Variants in PLXNA1 observed in about 807,000 individuals in gnomAD.
PLXNA1 encodes the protein plexin-A1.
In PLXNA1, 77 loss-of-function variants were observed where a neutral mutation model predicts 191.7. The observed-to-expected ratio is 0.40, with a 90% CI of 0.33 to 0.49. The LOEUF (loss-of-function observed/expected upper bound fraction) is 0.49, where lower values mean the gene tolerates loss of function less well. Ranked by LOEUF, PLXNA1 falls within the 20% of genes least tolerant of loss-of-function variation. The pLI, the probability that PLXNA1 is intolerant of heterozygous loss-of-function variation, is 0.63. For missense variants in PLXNA1, 2,110 were observed against 2,660.2 expected, an observed-to-expected ratio of 0.79 and a Z score of 4.55; for synonymous variants, 1,137 against 1,156.4, an observed-to-expected ratio of 0.98 and a Z score of 0.34.
At position 127,012,128 on chromosome 3, in the gene PLXNA1, C is replaced by T. The variant is rs2107630618; in HGVS notation, c.2283C>T (p.Asn761=). The part of the protein sequence containing the change: ...SPARVTALRF[N]SSSLQCQNSS... ...CCCGTGTCACCGCCCTGCGCTTCAA[C>T]AGCTCCAGCCTGCAGTGCCAGAATT... The change falls in exon 10 of 32, where the codon AAC becomes AAT. Residue 761 remains asparagine (N), a synonymous_variant. Transcript: ENST00000393409. 6.2e-7 allele frequency: 1 copy of T among 1,612,844 alleles called. No individual in the cohort carries two copies. Among genetic ancestry groups the T allele is most frequent in the Non-Finnish European group, 8.5e-7 (1 of 1,179,928 alleles).
At chr3:127,021,464 T>G (rs2079151899) in intron 21 of PLXNA1, among the ~76,000 whole-genome samples, 1 of 151,846 alleles carries the variant, frequency 6.6e-6, no homozygotes. Context: ...AGAGAGAGAG[T>G]AGGGACCCTG....
At chr3:127,014,952 C>A in intron 14 of PLXNA1, 121 bp downstream of exon 14, 1 of 1,460,616 alleles carries the variant, frequency 6.8e-7, no homozygotes, top group East Asian at 2.4e-5. Context: ...TTTTCCACGG[C>A]CTGGGTGCTG....
chr3:127,001,187 C>G (rs147834465), intron 3 of PLXNA1, among the ~76,000 whole-genome samples: 11 of 152,292 alleles, frequency 7.2e-5, no homozygotes, highest in African/African-American at 2.6e-4. Context: ...CGTTCCTTTC[C>G]TTGGAGCTGG....
intron 10 of PLXNA1, among the ~76,000 whole-genome samples, chr3:127,012,629 A>G (rs948252529): frequency 6.6e-6 from 1 of 151,862 alleles, no homozygotes; most frequent in African/African-American, 2.4e-5. Context: ...TGCAGAAAAC[A>G]CTCCCATTGG....
chr3:126,997,765 C>T (rs1212286585), intron 3 of PLXNA1, among the ~76,000 whole-genome samples: 1 of 152,250 alleles, frequency 6.6e-6, no homozygotes, highest in Admixed American at 6.5e-5. Flanking sequence ...ATAAGCATCG[C>T]TTCTGCTTCC....
intron 3 of PLXNA1, among the ~76,000 whole-genome samples, chr3:127,001,537 A>AGGATGGAG (rs2079040106): frequency 6.6e-6 from 1 of 152,276 alleles, no homozygotes; most frequent in South Asian, 2.1e-4. Flanking sequence ...CAGGACTGTG[A>AGGATGGAG]GGATGGAGGA....
At chr3:126,994,127 T>C (rs2079004116) in intron 3 of PLXNA1, among the ~76,000 whole-genome samples, 1 of 152,012 alleles carries the variant, frequency 6.6e-6, no homozygotes, top group South Asian at 2.1e-4. Flanking sequence ...GTTTGACAGG[T>C]GGGGAAACTG....
At position 127,015,277 on chromosome 3, in the gene PLXNA1, G is replaced by A; in HGVS notation, c.2971G>A (p.Asp991Asn). ...IEGSHLNAGS[D>N]VAVSVGGRPC... ...GGGAAGCCACCTGAACGCAGGCAGTGATGTGGCTGTGTCGGTCGGTGGCCG... is the reference window on the plus strand; with the variant it reads ...GGGAAGCCACCTGAACGCAGGCAGTAATGTGGCTGTGTCGGTCGGTGGCCG... The change falls in exon 15 of 32, where the codon GAT becomes AAT. Residue 991 changes from aspartate (D) to asparagine (N), a missense_variant. Around this residue, in one of 4 missense-constraint regions of PLXNA1, gnomAD observed 644 missense variants for 714.3 expected, o/e 0.90. Transcript: ENST00000393409. 1 of 1,612,416 alleles carries A rather than the reference G, an allele frequency of 6.2e-7. No individual in the cohort carries two copies. The highest frequency in any genetic ancestry group is 8.5e-7 in the Non-Finnish European group (1 of 1,179,644).
chr3:126,995,903 A>G (rs546197100), intron 3 of PLXNA1, among the ~76,000 whole-genome samples: 2 of 152,006 alleles, frequency 1.3e-5, no homozygotes, highest in East Asian at 3.9e-4. Flanking sequence ...TCTGGAGCTG[A>G]CCCCGATGAG....
rs548886127 is a variant in PLXNA1, at chr3:127,029,685, A to G, written c.4870+149A>G. Reference sequence around the variant, plus strand: ...ACTCGCACTCTTGGCCTTACCCTCCAGCTCTGGAGGCTGCGCCTCCTCGCG... The same window carrying G: ...ACTCGCACTCTTGGCCTTACCCTCCGGCTCTGGAGGCTGCGCCTCCTCGCG... On this transcript the variant is annotated intron_variant, in intron 27 of 31. Transcript: ENST00000393409. The G allele has an allele frequency of 3.4e-5, 37 of 1,082,868 alleles. No homozygotes were observed. The African/African-American group carries it at 5.5e-4, about 16-fold the overall frequency. The allele number at this position is 1,082,868 out of a possible 1,614,324, so 67.1% of individuals were successfully genotyped here. A position where few individuals can be genotyped will look rare whatever the true frequency, so the allele number is the denominator to read the frequency against.
chr3:127,006,736 G>A (rs963963906), intron 8 of PLXNA1, among the ~76,000 whole-genome samples: 2 of 152,110 alleles, frequency 1.3e-5, no homozygotes, highest in African/African-American at 4.8e-5. Flanking sequence ...CCCTGTGCAC[G>A]CCCCCTGCTT....
At chr3:126,984,835 A>G (rs1400133747) in intron 1 of PLXNA1, among the ~76,000 whole-genome samples, 1 of 152,206 alleles carries the variant, frequency 6.6e-6, no homozygotes, top group Non-Finnish European at 1.5e-5. Flanking sequence ...AGAGCAGCTT[A>G]GAGCAGCTGG....
At chr3:127,003,693 A>G (rs2079052297) in intron 4 of PLXNA1, among the ~76,000 whole-genome samples, 1 of 152,174 alleles carries the variant, frequency 6.6e-6, no homozygotes, top group African/African-American at 2.4e-5. Context: ...CCACAGCCTC[A>G]TTGCTGCCTC....
At chr3:127,017,686 G>A (rs1351663087) in intron 18 of PLXNA1, 22 bp downstream of exon 18, 10 of 1,613,160 alleles carry the variant, frequency 6.2e-6, no homozygotes, top group East Asian at 4.5e-5. Flanking sequence ...TTGCCCGTAG[G>A]CTGGGCCAAG....
chr3:127,018,615 C>A, intron 20 of PLXNA1, 87 bp downstream of exon 20: 1 of 1,000,852 alleles, frequency 1.0e-6, no homozygotes, highest in South Asian at 1.5e-5. Flanking sequence ...CACCGCCGCC[C>A]CCACCCTGCT....
In PLXNA1 at chr3:127,012,148, A is replaced by G; in HGVS notation, c.2303A>G (p.Gln768Arg). 1 of 1,611,692 alleles carries G rather than the reference A, an allele frequency of 6.2e-7. No homozygotes were observed. Among genetic ancestry groups the G allele is most frequent in the Middle Eastern group, 1.9e-4 (1 of 5,260 alleles). The change falls in exon 10 of 32, where the codon CAG becomes CGG. Residue 768 changes from glutamine to arginine, a missense_variant. Gln to Arg is a conservative substitution (Grantham distance 43). This residue lies in a region of PLXNA1 where 644 missense variants were observed against 714.3 expected (regional missense o/e 0.90). Transcript: ENST00000393409. ...TTCAACAGCTCCAGCCTGCAGTGCC[A>G]GAATTCCTCGGTGAGGTGGCCAGGG... Reference protein sequence around the residue: ...LRFNSSSLQCQNSSYSYEGND... With the variant: ...LRFNSSSLQCRNSSYSYEGND...
chr3:126,990,075 A>T (rs902863972), intron 2 of PLXNA1, among the ~76,000 whole-genome samples: 1 of 152,236 alleles, frequency 6.6e-6, no homozygotes, highest in Non-Finnish European at 1.5e-5. Flanking sequence ...CCTGTGGGAC[A>T]CTGGACAGAG....
At chr3:126,995,729 G>A (rs1169649613) in intron 3 of PLXNA1, among the ~76,000 whole-genome samples, 2 of 152,226 alleles carry the variant, frequency 1.3e-5, no homozygotes, top group African/African-American at 4.8e-5. Context: ...CCAGTTTGTG[G>A]CCCAGGGACC....
chr3:127,025,291 C>T (rs2079171660), intron 23 of PLXNA1, among the ~76,000 whole-genome samples: 2 of 152,188 alleles, frequency 1.3e-5, no homozygotes, highest in South Asian at 2.1e-4. Flanking sequence ...ATGCCTTTTC[C>T]AGATGTCATG....
Sources: allele counts gnomAD v4.1 joint callset (sites outside exome capture counted in the v4.1 genomes callset), GRCh38; gene constraint gnomAD v4.1.1; regional missense constraint gnomAD v4.1.1; transcripts MANE v1.5; gene names NCBI Gene and HGNC (gene_info 2026-07-23, HGNC 2026-07-21).